The following PCDHGA9 variants were observed in gnomAD, a reference collection of about 807,000 sequenced individuals.
PCDHGA9 encodes protocadherin gamma-A9.
In PCDHGA9, 37 loss-of-function variants were observed where a neutral mutation model predicts 62.5. That is an observed-to-expected ratio of 0.59 (90% CI 0.46 to 0.78). PCDHGA9 has a LOEUF of 0.78. Ranked by LOEUF, PCDHGA9 falls within the 30% of genes least tolerant of loss-of-function variation. PCDHGA9 has a pLI of 0.00. For missense variants in PCDHGA9, 1,138 were observed against 1,166.2 expected (o/e 0.98, Z 0.35); for synonymous variants, 459 against 484.6 (o/e 0.95, Z 0.69).
chr5:141,511,320 A>G lies in PCDHGA9; in HGVS notation c.*147A>G. ...CATGCTCCCCTTGGGAAACAGAAAC[A>G]AGTGCCCAGTCAGCACCTACCCCTT... On this transcript the variant is annotated 3_prime_UTR_variant, in exon 4 of 4. Transcript: ENST00000573521. 6.8e-7 allele frequency: 1 copy of G among 1,475,678 alleles called. No homozygotes were observed. The highest frequency in any genetic ancestry group is 1.4e-5 in the South Asian group (1 of 72,746). 91.4% of individuals were successfully genotyped at this position (1,475,678 alleles called of 1,614,324 possible).
rs777568111 is a variant in PCDHGA9 at position 141,404,292 on chromosome 5, A to G, written c.1340A>G (p.Asp447Gly). The change falls in exon 1 of 4, where the codon GAT becomes GGT. Residue 447 changes from aspartate to glycine, a missense_variant. Physicochemically the swap from Asp to Gly is moderately conservative, Grantham distance 94 (BLOSUM62 -1). Coordinates refer to ENST00000573521, the MANE Select transcript of PCDHGA9 (RefSeq NM_018921.3). ...HITLQVTDIN[D>G]NPPAFSQASY... is the part of the protein sequence containing the mutation. ...ACCCTGCAAGTGACTGACATCAATG[A>G]TAATCCACCTGCTTTCTCTCAAGCC... 2.5e-6 allele frequency: 4 copies of G among 1,613,864 alleles called. No homozygotes were observed. Among genetic ancestry groups the G allele is most frequent in the South Asian group, 1.1e-5 (1 of 91,082 alleles).
At chr5:141,470,734 G>A (rs970003510) in intron 1 of PCDHGA9, among the ~76,000 whole-genome samples, 1 of 152,128 alleles carries the variant, frequency 6.6e-6, no homozygotes, top group Non-Finnish European at 1.5e-5. Context: ...GTCTTGCTCT[G>A]TCGCCCTGGC....
chr5:141,426,882 C>T, intron 1 of PCDHGA9: 1 of 456,664 alleles, frequency 2.2e-6, no homozygotes, highest in South Asian at 1.5e-5. Flanking sequence ...GCCCCTGGGC[C>T]AGGAGCAACA....
chr5:141,492,396 A>G (rs1400291073), intron 1 of PCDHGA9, among the ~76,000 whole-genome samples: 1 of 152,188 alleles, frequency 6.6e-6, no homozygotes, highest in Non-Finnish European at 1.5e-5. Flanking sequence ...GTCCACTCGC[A>G]GCTCCCCTCT....
chr5:141,461,438 T>C (rs1034260263), intron 1 of PCDHGA9, among the ~76,000 whole-genome samples: 3 of 152,200 alleles, frequency 2.0e-5, no homozygotes, highest in African/African-American at 7.2e-5. Flanking sequence ...GTATACCTTC[T>C]TTTGAGAAAT....
At chr5:141,469,012 C>T (rs1196140759) in intron 1 of PCDHGA9, among the ~76,000 whole-genome samples, 1 of 151,852 alleles carries the variant, frequency 6.6e-6, no homozygotes, top group Non-Finnish European at 1.5e-5. Flanking sequence ...TGCGGTGGGT[C>T]ACTCCTGTAA....
Position 141,403,390 on chromosome 5 carries a change from G to C in PCDHGA9, c.438G>C (p.Ala146=), listed in dbSNP as rs1471861396. 1.2e-6 allele frequency: 2 copies of C among 1,613,920 alleles called. No individual in the cohort carries two copies. Among genetic ancestry groups the C allele is most frequent in the Admixed American group, 1.7e-5 (1 of 60,012 alleles). The part of the protein sequence containing the change: ...ESLEVKINEI[A]VPGARYPLPE... ...TGGAAGTAAAAATTAACGAAATCGC[G>C]GTTCCTGGAGCACGTTATCCACTTC... The change falls in exon 1 of 4, where the codon GCG becomes GCC. Residue 146 remains alanine (A), a synonymous_variant. Transcript: ENST00000573521.
intron 1 of PCDHGA9, chr5:141,419,158 C>T (rs757849297): frequency 5.0e-6 from 8 of 1,613,950 alleles, no homozygotes; most frequent in Admixed American, 1.7e-5. Context: ...CTCCGTTATC[C>T]TCCAGCAAAA....
rs1246198657 is a variant in PCDHGA9 at position 141,505,401 on chromosome 5, A to T, written c.2492A>T (p.Asn831Ile). The change falls in exon 3 of 4, where the codon AAT (asparagine) becomes ATT (isoleucine). Residue 831 changes from asparagine (N) to isoleucine (I), a missense_variant. By Grantham distance (149) the Asn-to-Ile change is moderately radical (BLOSUM62 -3). Transcript: ENST00000573521. Reference protein sequence around the residue: ...AQRPGTSGSQNGDDTGTWPNN... With the variant: ...AQRPGTSGSQIGDDTGTWPNN... ...TCCTACTCTCTCCCCAGCTCCCAAA[A>T]TGGCGATGACACCGGCACCTGGCCC... is the stretch of plus-strand genomic sequence containing the variant. The T allele has an allele frequency of 6.2e-7, 1 of 1,614,058 alleles. No individual in the cohort carries two copies. Among genetic ancestry groups the T allele is most frequent in the African/African-American group, 1.3e-5 (1 of 74,922 alleles).
chr5:141,426,418 T>C (rs1445827088), intron 1 of PCDHGA9: 2 of 288,504 alleles, frequency 6.9e-6, no homozygotes, highest in Non-Finnish European at 1.4e-5. Flanking sequence ...GGTCCAGGGC[T>C]CCGTGGTGGG....
intron 1 of PCDHGA9, chr5:141,424,500 G>A (rs2154550788): frequency 6.6e-6 from 1 of 152,208 alleles, no homozygotes; most frequent in African/African-American, 2.4e-5. Flanking sequence ...TGTATGTATG[G>A]AAGGTTTTTT....
rs754953894 is a variant in PCDHGA9 at position 141,409,856 on chromosome 5, G to T, written c.2424+4480G>T. 4.0e-5 allele frequency: 64 copies of T among 1,612,232 alleles called. No individual in the cohort carries two copies. Among genetic ancestry groups the T allele is most frequent in the Non-Finnish European group, 5.3e-5 (62 of 1,179,390 alleles). On this transcript the variant is annotated intron_variant, in intron 1 of 3. Coordinates refer to ENST00000573521, the MANE Select transcript of PCDHGA9 (RefSeq NM_018921.3). ...CGCCAACGTGAGCCTGCGCGTGTTG[G>T]TGGGAGACCGCAATGACAACGCACC... is the stretch of plus-strand genomic sequence containing the variant.
intron 1 of PCDHGA9, chr5:141,468,662 C>G (rs1381049343): frequency 6.6e-6 from 1 of 150,534 alleles, no homozygotes; most frequent in East Asian, 2.0e-4. Context: ...GTCAGGAGAT[C>G]AAGACCATCC....
chr5:141,432,935 C>T lies in PCDHGA9; in HGVS notation c.2424+27559C>T. The T allele has an allele frequency of 4.3e-6, 7 of 1,614,218 alleles. No homozygotes were observed. The highest frequency in any genetic ancestry group is 5.1e-6 in the Non-Finnish European group (6 of 1,180,046). On this transcript the variant is annotated intron_variant, in intron 1 of 3. Transcript: ENST00000573521. This position sits in a 1 kb window ranked among gnomAD's most constrained non-coding sequence, Gnocchi z 6.0. The stretch of plus-strand genomic sequence containing the variant: ...GCGCTGGCACAAGTCACGCCTGCTG[C>T]AGGCTTCAGGAGGCGGCTTGACAGG...
intron 1 of PCDHGA9, among the ~76,000 whole-genome samples, chr5:141,471,855 G>A (rs955016680): frequency 3.3e-5 from 5 of 152,108 alleles, no homozygotes; most frequent in Non-Finnish European, 7.4e-5. Context: ...TTCAGAAAAA[G>A]CAAAACTGTG....
chr5:141,415,740 G>GTTTTTTTTTTTTTTTTTTTTTTT (rs57426385), intron 1 of PCDHGA9: 14 of 625,046 alleles, frequency 2.2e-5, no homozygotes, highest in East Asian at 1.4e-4. Flanking sequence ...GTTTATTAAG[G>GTTTTTTTTTTTTTTTTTTTTTTT]TTTTTTTTTT....
chr5:141,498,713 C>T (rs1216279302), intron 2 of PCDHGA9, among the ~76,000 whole-genome samples: 1 of 152,148 alleles, frequency 6.6e-6, no homozygotes, highest in East Asian at 1.9e-4. Flanking sequence ...GGGTGGATCA[C>T]CTGAGGTCAG....
intron 1 of PCDHGA9, chr5:141,422,637 C>T (rs980166515): frequency 8.7e-5 from 141 of 1,612,568 alleles, no homozygotes; most frequent in Non-Finnish European, 1.2e-4. Flanking sequence ...CCAGGGGTGC[C>T]TCCATCTTCT....
At chr5:141,448,692 G>A (rs913533738) in intron 1 of PCDHGA9, among the ~76,000 whole-genome samples, 6 of 152,072 alleles carry the variant, frequency 3.9e-5, no homozygotes, top group African/African-American at 9.7e-5. Context: ...TGTAATCGCA[G>A]CACTTTGGGA....
Sources: allele counts gnomAD v4.1 joint callset (sites outside exome capture counted in the v4.1 genomes callset), GRCh38; gene constraint gnomAD v4.1.1; non-coding constraint Gnocchi (gnomAD v3.1); transcripts MANE v1.5; gene names NCBI Gene and HGNC (gene_info 2026-07-23, HGNC 2026-07-21).